Variants in BTD observed in about 807,000 individuals in gnomAD.
BTD encodes the protein biotinidase.
A neutral mutation model predicts 17.7 loss-of-function variants in BTD; 13 were observed. The observed-to-expected ratio is 0.74, with a 90% CI of 0.48 to 1.17. The LOEUF (loss-of-function observed/expected upper bound fraction) is 1.17. Ranked by LOEUF, BTD falls within the 50% of genes most tolerant of loss-of-function variation. BTD has a pLI of 0.00. For synonymous variants in BTD, 240 were observed against 245.2 expected, an observed-to-expected ratio of 0.98 and a Z score of 0.20; for missense variants, 674 against 650.4, an observed-to-expected ratio of 1.04 and a Z score of -0.39.
intron 1 of BTD, among the ~76,000 whole-genome samples, chr3:15,620,006 A>C (rs985805239): frequency 1.3e-5 from 2 of 152,224 alleles, no homozygotes; most frequent in African/African-American, 4.8e-5. Context: ...AACAAAGATC[A>C]CATGCTTCTG....
Position 15,649,246 on chromosome 3 carries a change from T to G in BTD, c.*3758T>G, listed in dbSNP as rs2065759603. On this transcript the variant is annotated 3_prime_UTR_variant, in exon 4 of 4. Transcript: ENST00000643237. ...CCATAGGGATAGCTGAGTGTCCTCA[T>G]GATGTGGCCCCTGGCTTCCCCTGAA... 6.6e-6 allele frequency among the ~76,000 whole-genome samples: 1 copy of G among 152,190 alleles called. No homozygotes were observed. The highest frequency in any genetic ancestry group is 1.5e-5 in the Non-Finnish European group (1 of 68,026).
Position 15,653,271 on chromosome 3 carries a change from C to T in BTD, c.*7783C>T, listed in dbSNP as rs2065834734. Among the ~76,000 whole-genome samples, 1 of 152,240 alleles carries T rather than the reference C, an allele frequency of 6.6e-6. No individual in the cohort carries two copies. On this transcript the variant is annotated 3_prime_UTR_variant, in exon 4 of 4. Transcript: ENST00000643237. Reference sequence around the variant, plus strand: ...GATTCCGATCCTAATCAAGTGTGAGCCCACTGTCTAATGCGGTGCATACCA... The same window carrying T: ...GATTCCGATCCTAATCAAGTGTGAGTCCACTGTCTAATGCGGTGCATACCA...
downstream of BTD, among the ~76,000 whole-genome samples, chr3:15,655,075 G>T (rs1338636379): frequency 6.6e-6 from 1 of 152,190 alleles, no homozygotes; most frequent in East Asian, 1.9e-4. Context: ...AAAGCCACAG[G>T]AGGAAAAGCC....
chr3:15,681,312 T>C (rs1157658202), intron 3 of BTD, among the ~76,000 whole-genome samples: 1 of 152,196 alleles, frequency 6.6e-6, no homozygotes, highest in Non-Finnish European at 1.5e-5. Flanking sequence ...GGACATTCAG[T>C]TGAATTCACC....
intron 1 of BTD, among the ~76,000 whole-genome samples, chr3:15,609,782 G>C (rs1031288493): frequency 6.6e-6 from 1 of 151,952 alleles, no homozygotes; most frequent in South Asian, 2.1e-4. Flanking sequence ...TGTCCTTTAT[G>C]TATTCTGAAT....
rs1166601483 is a variant in BTD, at chr3:15,650,259, GT to G, written c.*4778del. On this transcript the variant is annotated 3_prime_UTR_variant, in exon 4 of 4. Coordinates refer to ENST00000643237, the MANE Select transcript of BTD (RefSeq NM_001370658.1). Reference sequence around the variant, plus strand: ...ACGAAACATTATTTCCGTTTGGAAAGTTTTTTTATTTTTGTGTTCAGTACTG... The same window carrying G: ...ACGAAACATTATTTCCGTTTGGAAAGTTTTTTATTTTTGTGTTCAGTACTG... Among the ~76,000 whole-genome samples, 18 of 152,160 alleles carry G rather than the reference GT, an allele frequency of 1.2e-4. No individual in the cohort carries two copies. Among genetic ancestry groups the G allele is most frequent in the Non-Finnish European group, 1.9e-4 (13 of 68,026 alleles).
At chr3:15,606,134 A>G (rs1488932736) in intron 1 of BTD, among the ~76,000 whole-genome samples, 6 of 151,620 alleles carry the variant, frequency 4.0e-5, no homozygotes, top group Non-Finnish European at 8.8e-5. Flanking sequence ...TTGAAGAAGT[A>G]CAGACTTCCC....
At position 15,650,956 on chromosome 3, in the gene BTD, G is replaced by C. The variant is rs1559604747; in HGVS notation, c.*5468G>C. On this transcript the variant is annotated 3_prime_UTR_variant, in exon 4 of 4. Coordinates refer to ENST00000643237, the MANE Select transcript of BTD (RefSeq NM_001370658.1). ...AGCTAATTTTTTGTATTTTTATAGA[G>C]ACAGGGTTTCACCATGTTAGCCAGG... Among the ~76,000 whole-genome samples the C allele has an allele frequency of 6.6e-6, 1 of 152,128 alleles. No individual in the cohort carries two copies. Among genetic ancestry groups the C allele is most frequent in the Non-Finnish European group, 1.5e-5 (1 of 68,024 alleles).
chr3:15,634,300 A>C (rs1177268367), intron 1 of BTD, among the ~76,000 whole-genome samples: 1 of 152,070 alleles, frequency 6.6e-6, no homozygotes, highest in Non-Finnish European at 1.5e-5. Context: ...TGATTCTTTG[A>C]TTTGTCTTTG....
At position 15,601,889 on chromosome 3, in the gene BTD, G is replaced by A. The variant is rs781354864; in HGVS notation, c.-22G>A. On this transcript the variant is annotated 5_prime_UTR_variant, in exon 1 of 4. Coordinates refer to ENST00000643237, the MANE Select transcript of BTD (RefSeq NM_001370658.1). Reference sequence around the variant, plus strand: ...ATATTCAGGGCGGAAGGCGCGCTAAGAGCAGGTACGGAGGGGGCGTGGTGC... The same window carrying A: ...ATATTCAGGGCGGAAGGCGCGCTAAAAGCAGGTACGGAGGGGGCGTGGTGC... 12 of 1,614,014 alleles carry A rather than the reference G, an allele frequency of 7.4e-6. No homozygotes were observed. Among genetic ancestry groups the A allele is most frequent in the Admixed American group, 1.7e-5 (1 of 60,028 alleles).
At chr3:15,707,836 AAAC>A in intron 3 of BTD, 1 of 1,472,096 alleles carries the variant, frequency 6.8e-7, no homozygotes, top group Middle Eastern at 2.0e-4. Flanking sequence ...TACAAAGAGG[AAAC>A]ACAAATTTGC....
chr3:15,675,877 G>A (rs747075861), intron 3 of BTD: 1 of 1,571,294 alleles, frequency 6.4e-7, no homozygotes, highest in Non-Finnish European at 8.7e-7. Flanking sequence ...GTTAAGGGAA[G>A]AGAATATAGA....
In BTD at chr3:15,650,891, T is replaced by C. The variant is rs2065790631; in HGVS notation, c.*5403T>C. On this transcript the variant is annotated 3_prime_UTR_variant, in exon 4 of 4. Coordinates refer to ENST00000643237, the MANE Select transcript of BTD (RefSeq NM_001370658.1). ...TTCAAGCGATTCTCCTGCCTCAGCC[T>C]TCCGAGTAGCTGGGACTACAGGCAC... Among the ~76,000 whole-genome samples, 2 of 152,180 alleles carry C rather than the reference T, an allele frequency of 1.3e-5. No homozygotes were observed. The highest frequency in any genetic ancestry group is 2.1e-4 in the South Asian group (1 of 4,824).
chr3:15,661,657 C>G (rs531833479), intron 3 of BTD, among the ~76,000 whole-genome samples: 2 of 152,182 alleles, frequency 1.3e-5, no homozygotes, highest in Non-Finnish European at 2.9e-5. Flanking sequence ...GTAATGAAGT[C>G]TAGCTTATCA....
In BTD at chr3:15,630,051, T is replaced by C. The variant is rs2065167552; in HGVS notation, c.-16-5373T>C. On this transcript the variant is annotated intron_variant, in intron 1 of 3. Transcript: ENST00000643237. ...TGTGTCACAGGGGGAATGGGCAGCG[T>C]CACTTTTTACATCCAGTCATATTGT... 7 of 985,454 alleles carry C rather than the reference T, an allele frequency of 7.1e-6. No homozygotes were observed. The South Asian group carries it at 3.3e-4, about 46-fold the overall frequency. 61.0% of individuals were successfully genotyped at this position (985,454 alleles called of 1,614,324 possible).
At position 15,642,067 on chromosome 3, in the gene BTD, G is replaced by C. The variant is rs367683518; in HGVS notation, c.399+10G>C. On this transcript the variant is annotated intron_variant, in intron 3 of 3. Coordinates refer to ENST00000643237, the MANE Select transcript of BTD (RefSeq NM_001370658.1). The stretch of plus-strand genomic sequence containing the variant: ...CTTCAATGACACAGAGGTGATTCCT[G>C]CCTTTTTCCTCAGTAGGCTGAGGGT... 1.9e-6 allele frequency: 3 copies of C among 1,613,952 alleles called. No homozygotes were observed. The highest frequency in any genetic ancestry group is 2.5e-6 in the Non-Finnish European group (3 of 1,179,970).
At chr3:15,632,063 C>G (rs888654565) in intron 1 of BTD, among the ~76,000 whole-genome samples, 2 of 152,194 alleles carry the variant, frequency 1.3e-5, no homozygotes, top group Admixed American at 6.5e-5. Context: ...CATGCTCCTG[C>G]CTCAGGCTCT....
intron 1 of BTD, among the ~76,000 whole-genome samples, chr3:15,605,721 AC>A (rs1024748944): frequency 2.6e-5 from 4 of 152,210 alleles, no homozygotes; most frequent in African/African-American, 4.8e-5. Flanking sequence ...TAAACTGCTT[AC>A]CTGTCAAGTA....
intron 4 of BTD, among the ~76,000 whole-genome samples, chr3:15,721,398 G>C (rs1431493894): frequency 6.6e-6 from 1 of 152,054 alleles, no homozygotes; most frequent in Non-Finnish European, 1.5e-5. Flanking sequence ...ATACAAAAGA[G>C]GTATTTCAGG....
Sources: allele counts gnomAD v4.1 joint callset (sites outside exome capture counted in the v4.1 genomes callset), GRCh38; gene constraint gnomAD v4.1.1; transcripts MANE v1.5; gene names NCBI Gene and HGNC (gene_info 2026-07-23, HGNC 2026-07-21).